NBEA: variants seen among roughly 807,000 people sequenced by gnomAD.
The protein encoded by NBEA is neurobeachin.
In NBEA, 44 loss-of-function variants were observed where a neutral mutation model predicts 343.4. That is an observed-to-expected ratio of 0.13 (90% CI 0.10 to 0.16). The LOEUF (loss-of-function observed/expected upper bound fraction) is 0.16, where lower values mean the gene tolerates loss of function less well. Ranked by LOEUF, NBEA falls within the 10% of genes least tolerant of loss-of-function variation. The pLI is 1.00. For synonymous variants in NBEA, 1,175 were observed against 1,238.7 expected (o/e 0.95, Z 1.08); for missense variants, 2,555 against 3,631.3 (o/e 0.70, Z 7.62).
At chr13:35,649,071 T>C (rs2153078433) in intron 51 of NBEA, among the ~76,000 whole-genome samples, 1 of 151,924 alleles carries the variant, frequency 6.6e-6, no homozygotes, top group East Asian at 1.9e-4. Flanking sequence ...CTCCATAAGC[T>C]CCCAGCCTAG....
rs564368918 is a variant in NBEA at position 35,184,580 on chromosome 13, T to A, written c.4927+509T>A. On this transcript the variant is annotated intron_variant, in intron 30 of 58. Transcript: ENST00000379939. ...CATGCAAAGAAGGAGAAAAATGTGA[T>A]GCATAAGCAAAAGAAAAAAAATCAG... Among the ~76,000 whole-genome samples, 5 of 152,106 alleles carry A rather than the reference T, an allele frequency of 3.3e-5. No individual in the cohort carries two copies. The East Asian group carries it at 9.7e-4, about 29-fold the overall frequency.
chr13:35,297,446 CT>C (rs1456039147), intron 35 of NBEA, among the ~76,000 whole-genome samples: 6 of 151,944 alleles, frequency 3.9e-5, no homozygotes, highest in Non-Finnish European at 8.8e-5. Flanking sequence ...CTAGTATTTC[CT>C]TTCTTTTTGA....
intron 17 of NBEA, among the ~76,000 whole-genome samples, chr13:35,139,226 A>T (rs185795456): frequency 6.6e-6 from 1 of 151,638 alleles, no homozygotes; most frequent in Middle Eastern, 3.2e-3. Context: ...ACACCTAGCT[A>T]ATTTTTGTAT....
intron 41 of NBEA, among the ~76,000 whole-genome samples, chr13:35,481,211 G>A (rs2076108539): frequency 6.6e-6 from 1 of 151,770 alleles, no homozygotes; most frequent in Non-Finnish European, 1.5e-5. Context: ...CTTGATATTG[G>A]TATTAATAGG....
At chr13:35,550,894 G>A in intron 42 of NBEA, 36 bp from the exon 43 acceptor site, 1 of 1,364,286 alleles carries the variant, frequency 7.3e-7, no homozygotes, top group Non-Finnish European at 1.0e-6. Flanking sequence ...TTATCCTGCG[G>A]TTTTCTAAAC....
intron 37 of NBEA, among the ~76,000 whole-genome samples, chr13:35,350,472 T>C (rs943870937): frequency 2.0e-4 from 31 of 152,026 alleles, no homozygotes; most frequent in Admixed American, 1.8e-3. Flanking sequence ...AATAACAATA[T>C]TTTTATCCCC....
chr13:35,253,437 A>G (rs1021740238), intron 34 of NBEA, among the ~76,000 whole-genome samples: 4 of 152,230 alleles, frequency 2.6e-5, no homozygotes, highest in African/African-American at 9.6e-5. Flanking sequence ...ATTATAGTAT[A>G]GTGTAACATA....
intron 41 of NBEA, among the ~76,000 whole-genome samples, chr13:35,484,962 A>C (rs1189379868): frequency 1.3e-5 from 2 of 152,128 alleles, no homozygotes; most frequent in African/African-American, 2.4e-5. Flanking sequence ...TTACATTAAG[A>C]TCTAAAAGAC....
At chr13:35,498,204 A>G (rs1163180063) in intron 41 of NBEA, among the ~76,000 whole-genome samples, 1 of 152,080 alleles carries the variant, frequency 6.6e-6, no homozygotes, top group African/African-American at 2.4e-5. Flanking sequence ...TGTAATGTCC[A>G]TCTTGTAAAG....
chr13:35,667,919 C>T (rs1217316227), intron 57 of NBEA, among the ~76,000 whole-genome samples: 1 of 152,154 alleles, frequency 6.6e-6, no homozygotes, highest in African/African-American at 2.4e-5. Context: ...GAACCCTAAA[C>T]AAAAATTACA....
At chr13:35,472,200 T>C (rs963768719) in intron 40 of NBEA, among the ~76,000 whole-genome samples, 200 bp from the exon 41 acceptor site, 2 of 152,236 alleles carry the variant, frequency 1.3e-5, no homozygotes, top group Non-Finnish European at 2.9e-5. Flanking sequence ...TTCATACCAT[T>C]TTTTCTCTCT....
rs1445830583 is a variant in NBEA, at chr13:35,058,731, C to T, written c.1107C>T (p.Cys369=). The T allele has an allele frequency of 6.3e-7, 1 of 1,581,090 alleles. No individual in the cohort carries two copies. Among genetic ancestry groups the T allele is most frequent in the South Asian group, 1.2e-5 (1 of 86,720 alleles). ...TTTAAAAATAGAGCTATGACAAGTG[C>T]TTTCTTGGATCATCAGAAACTGCTG... ...HVNTNDSYDK[C]FLGSSETADA... is the part of the protein sequence containing the mutation. The change falls in exon 8 of 59, where the codon TGC becomes TGT. Residue 369 remains cysteine, a synonymous_variant. Transcript: ENST00000379939.
intron 33 of NBEA, among the ~76,000 whole-genome samples, chr13:35,215,964 G>T (rs975832931): frequency 4.6e-5 from 7 of 151,102 alleles, no homozygotes; most frequent in Non-Finnish European, 8.9e-5. Flanking sequence ...TGGATTTATT[G>T]CCATAAATTC....
At chr13:34,999,281 T>C (rs1291286646) in intron 1 of NBEA, among the ~76,000 whole-genome samples, 6 of 152,168 alleles carry the variant, frequency 3.9e-5, no homozygotes, top group Non-Finnish European at 2.9e-5. Flanking sequence ...GTGTACAGTG[T>C]GTAGTAATCA....
At chr13:35,345,209 AAAG>A (rs1355319119) in intron 36 of NBEA, among the ~76,000 whole-genome samples, 2 of 152,112 alleles carry the variant, frequency 1.3e-5, no homozygotes, top group African/African-American at 4.8e-5. Context: ...TCATGATTAG[AAAG>A]AATACTCTTA....
intron 31 of NBEA, among the ~76,000 whole-genome samples, chr13:35,203,993 G>A (rs903255590): frequency 8.5e-5 from 13 of 152,104 alleles, no homozygotes; most frequent in African/African-American, 2.9e-4. Flanking sequence ...AATAGAGCAG[G>A]GGTCCCCACC....
rs1343491037 is a variant in NBEA at position 35,315,227 on chromosome 13, CA to C, written c.5903+5636del. Among the ~76,000 whole-genome samples, 22 of 152,260 alleles carry C rather than the reference CA, an allele frequency of 1.4e-4. No homozygotes were observed. In the South Asian group the frequency reaches 2.1e-3, roughly 14 times the overall value. ...TATTATAAATGTTTATCCTACTTAA[CA>C]GCTACACTTTTGAATACAATTCATC... On this transcript the variant is annotated intron_variant, in intron 36 of 58. Coordinates refer to ENST00000379939, the MANE Select transcript of NBEA (RefSeq NM_001385012.1).
chr13:35,649,511 C>A, intron 51 of NBEA, 144 bp from the exon 52 acceptor site: 3 of 669,666 alleles, frequency 4.5e-6, no homozygotes, highest in Non-Finnish European at 7.8e-6. Flanking sequence ...GGCAGACATT[C>A]ACCAGTATGA....
chr13:35,002,848 G>A (rs945117876), intron 1 of NBEA, among the ~76,000 whole-genome samples: 1 of 152,148 alleles, frequency 6.6e-6, no homozygotes, highest in African/African-American at 2.4e-5. Flanking sequence ...AAAAGTTGCC[G>A]AGATGCTTGA....
Sources: gnomAD v4.1 joint callset for allele counts (sites outside exome capture counted in the v4.1 genomes callset) on GRCh38, gnomAD v4.1.1 for gene constraint, MANE v1.5 for transcripts, NCBI Gene and HGNC (gene_info 2026-07-23, HGNC 2026-07-21) for gene names.